Variants in REC114 observed in about 807,000 individuals in gnomAD.
The protein encoded by REC114 is meiotic recombination protein REC114.
Under a neutral mutation model 31.3 loss-of-function variants are expected in REC114, and 27 were observed. The observed-to-expected ratio is 0.86, with a 90% CI of 0.64 to 1.19. The LOEUF (loss-of-function observed/expected upper bound fraction) is 1.19. Among genes scored for constraint, REC114 ranks in the 50% most tolerant of loss-of-function variants. The pLI is 0.00. For synonymous variants in REC114, 134 were observed against 127.7 expected, an observed-to-expected ratio of 1.05 and a Z score of -0.33; for missense variants, 344 against 326.9, an observed-to-expected ratio of 1.05 and a Z score of -0.40.
chr15:73,557,556 C>A (rs12324832), intron 5 of REC114, among the ~76,000 whole-genome samples: 3 of 151,908 alleles, frequency 2.0e-5, no homozygotes, highest in South Asian at 2.1e-4. Flanking sequence ...TAATAAACCC[C>A]TAACTATGAA....
At chr15:73,463,620 A>T (rs951298020) in intron 1 of REC114, among the ~76,000 whole-genome samples, 4 of 152,188 alleles carry the variant, frequency 2.6e-5, no homozygotes, top group Non-Finnish European at 5.9e-5. Context: ...CAAGAATTTG[A>T]GACCAGCTTG....
At chr15:73,453,264 A>G (rs1367805710) in intron 1 of REC114, among the ~76,000 whole-genome samples, 2 of 152,254 alleles carry the variant, frequency 1.3e-5, no homozygotes, top group African/African-American at 4.8e-5. Flanking sequence ...CAGAATCTAC[A>G]AAGAATTTAA....
At chr15:73,471,808 A>G (rs1218745281) in intron 1 of REC114, among the ~76,000 whole-genome samples, 1 of 152,228 alleles carries the variant, frequency 6.6e-6, no homozygotes, top group Non-Finnish European at 1.5e-5. Flanking sequence ...AAAGGGTGGT[A>G]TCATCATAGA....
At chr15:73,465,954 C>T (rs1434210705) in intron 1 of REC114, among the ~76,000 whole-genome samples, 8 of 152,056 alleles carry the variant, frequency 5.3e-5, no homozygotes, top group Non-Finnish European at 1.2e-4. Context: ...CGGGTTCAAG[C>T]GATTCTTCTG....
chr15:73,460,633 GAGACCTAGGAT>G (rs1892977660), intron 1 of REC114, among the ~76,000 whole-genome samples: 1 of 152,166 alleles, frequency 6.6e-6, no homozygotes, highest in Non-Finnish European at 1.5e-5. Context: ...GAGAGTTGCA[GAGACCTAGGAT>G]AGGTTTGATA....
intron 2 of REC114, among the ~76,000 whole-genome samples, chr15:73,509,853 T>C (rs1595873660): frequency 6.6e-6 from 1 of 152,200 alleles, no homozygotes; most frequent in Middle Eastern, 3.4e-3. Context: ...AGCCCTGTAG[T>C]ATAGTTTGAA....
At chr15:73,496,185 C>T (rs762010042) in intron 2 of REC114, among the ~76,000 whole-genome samples, 20 of 151,326 alleles carry the variant, frequency 1.3e-4, no homozygotes, top group African/African-American at 4.1e-4. Flanking sequence ...AACTCCATCT[C>T]GACTAAAAAT....
At chr15:73,499,062 AC>A (rs1318484392) in intron 2 of REC114, among the ~76,000 whole-genome samples, 1 of 151,752 alleles carries the variant, frequency 6.6e-6, no homozygotes, top group Non-Finnish European at 1.5e-5. Flanking sequence ...GCTCAGCTAA[AC>A]TCTTCCCCAT....
intron 1 of REC114, among the ~76,000 whole-genome samples, chr15:73,459,108 C>T (rs1166297776): frequency 6.6e-6 from 1 of 152,192 alleles, no homozygotes. Context: ...GAATGAAGGC[C>T]AGACATTCTG....
At chr15:73,548,481 C>A (rs766075570) in intron 3 of REC114, among the ~76,000 whole-genome samples, 22 of 152,146 alleles carry the variant, frequency 1.4e-4, no homozygotes, top group Non-Finnish European at 2.9e-4. Flanking sequence ...TATTACTGAT[C>A]ATTAGAGACA....
At chr15:73,533,524 C>T (rs1894114127) in intron 2 of REC114, among the ~76,000 whole-genome samples, 1 of 151,744 alleles carries the variant, frequency 6.6e-6, no homozygotes, top group Non-Finnish European at 1.5e-5. Context: ...CAGGAGCACC[C>T]AGATTGATAA....
chr15:73,514,094 G>A (rs1457587916), intron 2 of REC114, among the ~76,000 whole-genome samples: 1 of 152,084 alleles, frequency 6.6e-6, no homozygotes, highest in South Asian at 2.1e-4. Flanking sequence ...AGCAATCAGC[G>A]AGACTCCGTG....
chr15:73,463,689 C>G (rs199713087), intron 1 of REC114, among the ~76,000 whole-genome samples: 1 of 151,998 alleles, frequency 6.6e-6, no homozygotes, highest in Non-Finnish European at 1.5e-5. Context: ...GGTATGGTGG[C>G]GCATGCCTGT....
intron 3 of REC114, among the ~76,000 whole-genome samples, chr15:73,543,353 A>G (rs2141331650): frequency 6.6e-6 from 1 of 152,206 alleles, no homozygotes; most frequent in East Asian, 1.9e-4. Context: ...TGTTTTTGAG[A>G]CGGAGTTTCA....
At chr15:73,554,407 T>C (rs1894433672) in intron 4 of REC114, among the ~76,000 whole-genome samples, 1 of 152,274 alleles carries the variant, frequency 6.6e-6, no homozygotes, top group Middle Eastern at 3.2e-3. Flanking sequence ...TGTGTCATTT[T>C]TGTAGTACCT....
chr15:73,518,595 C>T (rs1298134332), intron 2 of REC114, among the ~76,000 whole-genome samples: 1 of 152,228 alleles, frequency 6.6e-6, no homozygotes, highest in Admixed American at 6.5e-5. Flanking sequence ...GCCTGAATCA[C>T]CTGCTCACCC....
intron 1 of REC114, among the ~76,000 whole-genome samples, chr15:73,451,081 G>A (rs563583971): frequency 1.8e-4 from 27 of 152,242 alleles, no homozygotes; most frequent in African/African-American, 6.5e-4. Context: ...AAGAACTAGA[G>A]AAGCAAGAGC....
intron 2 of REC114, among the ~76,000 whole-genome samples, chr15:73,520,670 G>T (rs1893925645): frequency 6.6e-6 from 1 of 152,142 alleles, no homozygotes; most frequent in South Asian, 2.1e-4. Context: ...GAACTATGTG[G>T]TTGTTGTACT....
Position 73,443,306 on chromosome 15 carries a change from T to A in REC114, c.121T>A (p.Cys41Ser). 1 of 1,582,982 alleles carries A rather than the reference T, an allele frequency of 6.3e-7. No homozygotes were observed. The highest frequency in any genetic ancestry group is 8.6e-7 in the Non-Finnish European group (1 of 1,165,584). The change falls in exon 1 of 6, where the codon TGC (cysteine) becomes AGC (serine). Residue 41 changes from cysteine to serine, a missense_variant. Physicochemically the swap from Cys to Ser is moderately radical, Grantham distance 112 (BLOSUM62 -1). Transcript: ENST00000331090. Reference protein sequence around the residue: ...PSNTRDPPGPCLEAGTAPCPT... With the variant: ...PSNTRDPPGPSLEAGTAPCPT... The stretch of plus-strand genomic sequence containing the variant: ...AAACACCAGAGACCCACCTGGGCCA[T>A]GCCTGGAAGCTGGGACAGCCCCCTG...
Sources: allele counts gnomAD v4.1 joint callset (sites outside exome capture counted in the v4.1 genomes callset), GRCh38; gene constraint gnomAD v4.1.1; transcripts MANE v1.5; gene names NCBI Gene and HGNC (gene_info 2026-07-23, HGNC 2026-07-21).